CCDC146: variants seen among roughly 807,000 people sequenced by gnomAD.
CCDC146 encodes the protein coiled-coil domain-containing protein 146.
A neutral mutation model predicts 119.3 loss-of-function variants in CCDC146; 92 were observed. That is an observed-to-expected ratio of 0.77 (90% CI 0.65 to 0.92). The LOEUF is 0.92. CCDC146 is among the 40% of genes least tolerant of loss of function. The pLI is 0.00. For missense variants in CCDC146, 1,000 were observed against 1,103.0 expected, an observed-to-expected ratio of 0.91 and a Z score of 1.32; for synonymous variants, 372 against 371.8, an observed-to-expected ratio of 1.00 and a Z score of -0.01.
chr7:77,155,145 A>G (rs549636764), intron 1 of CCDC146, among the ~76,000 whole-genome samples: 18 of 152,360 alleles, frequency 1.2e-4, no homozygotes, highest in African/African-American at 4.3e-4. Context: ...TGAATTTCTG[A>G]AGCCTGCCTA....
chr7:77,147,900 A>G (rs888350016), intron 1 of CCDC146, among the ~76,000 whole-genome samples: 2 of 152,200 alleles, frequency 1.3e-5, no homozygotes, highest in Non-Finnish European at 2.9e-5. Flanking sequence ...TCAGATCTCA[A>G]ACTCCATGCT....
At chr7:77,159,751 T>C (rs1020134847) in intron 1 of CCDC146, among the ~76,000 whole-genome samples, 31 of 152,232 alleles carry the variant, frequency 2.0e-4, no homozygotes, top group African/African-American at 7.0e-4. Context: ...CCACTAACAG[T>C]GTACAAGGGT....
In CCDC146 at chr7:77,196,856, C is replaced by A. The variant is rs773321059; in HGVS notation, c.156+29032C>A. 6.2e-6 allele frequency: 10 copies of A among 1,614,006 alleles called. No individual in the cohort carries two copies. The highest frequency in any genetic ancestry group is 8.5e-6 in the Non-Finnish European group (10 of 1,179,982). ...TGCCTGCAGCACTGTCCAGCCTCCC[C>A]CCATGGTCTCCATGTCACAGTAAAC... On this transcript the variant is annotated intron_variant, in intron 2 of 18. Transcript: ENST00000285871. The surrounding 1 kb of genome is among the most constrained non-coding windows in gnomAD (Gnocchi z 4.2).
intron 2 of CCDC146, among the ~76,000 whole-genome samples, chr7:77,210,209 C>T (rs1199837896): frequency 6.6e-6 from 1 of 152,196 alleles, no homozygotes; most frequent in African/African-American, 2.4e-5. Flanking sequence ...TCTTTGTGTA[C>T]ACATATGAGT....
At chr7:77,212,097 T>G (rs1792195498) in intron 2 of CCDC146, among the ~76,000 whole-genome samples, 1 of 152,110 alleles carries the variant, frequency 6.6e-6, no homozygotes, top group African/African-American at 2.4e-5. Flanking sequence ...CAGAAAATGA[T>G]GCATACATAT....
chr7:77,173,342 C>T (rs1384459054), intron 2 of CCDC146, among the ~76,000 whole-genome samples: 4 of 152,098 alleles, frequency 2.6e-5, no homozygotes, highest in African/African-American at 9.7e-5. Context: ...CAAAGTGATG[C>T]TTGGGGCTGG....
chr7:77,133,841 A>ACACACACACACACT (rs1554345454), intron 1 of CCDC146, among the ~76,000 whole-genome samples: 5,206 of 150,430 alleles, frequency 0.035, 303 homozygotes, highest in African/African-American at 0.12. Context: ...ACACACACAC[A>ACACACACACACACT]CACACACACA....
Position 77,254,489 on chromosome 7 carries a change from ATTT to A in CCDC146, c.450-7_450-5del. ...ATTTCTTTGTACTTTTTCAAACTTG[ATTT>A]TTTTTTTTTGCAGCTTAAAGGAAGA... On this transcript the variant is annotated splice_polypyrimidine_tract_variant and intron_variant, in intron 4 of 18. Transcript: ENST00000285871. 8.3e-6 allele frequency: 9 copies of A among 1,081,234 alleles called. No homozygotes were observed. The highest frequency in any genetic ancestry group is 1.2e-5 in the Non-Finnish European group (9 of 767,194). 67.0% of individuals were successfully genotyped at this position (1,081,234 alleles called of 1,614,324 possible). A position where few individuals can be genotyped will look rare whatever the true frequency, so the allele number is the denominator to read the frequency against.
At chr7:77,156,723 G>A (rs1245715760) in intron 1 of CCDC146, among the ~76,000 whole-genome samples, 1 of 152,068 alleles carries the variant, frequency 6.6e-6, no homozygotes, top group Non-Finnish European at 1.5e-5. Flanking sequence ...GTGGCTTTTA[G>A]GACTATTAAG....
At chr7:77,191,621 A>T (rs561122788) in intron 2 of CCDC146, among the ~76,000 whole-genome samples, 5 of 152,254 alleles carry the variant, frequency 3.3e-5, no homozygotes, top group African/African-American at 1.2e-4. Flanking sequence ...AGAGATAACT[A>T]TTTAGGGCCT....
At position 77,262,344 on chromosome 7, in the gene CCDC146, G is replaced by A. The variant is rs375158732; in HGVS notation, c.1173+37G>A. The A allele has an allele frequency of 5.4e-5, 79 of 1,461,776 alleles. 2 individuals carry two copies. The South Asian group carries it at 5.6e-4, about 10-fold the overall frequency. 90.6% of individuals were successfully genotyped at this position (1,461,776 alleles called of 1,614,324 possible). On this transcript the variant is annotated intron_variant, in intron 9 of 18. Transcript: ENST00000285871. The stretch of plus-strand genomic sequence containing the variant: ...AAACTACCATCTGATTTTTAAGCTC[G>A]GTGCTAACTTTTGAAGTAAAAATAT...
chr7:77,237,169 G>C (rs111304780), intron 3 of CCDC146, 140 bp downstream of exon 3: 5 of 671,564 alleles, frequency 7.4e-6, no homozygotes, highest in South Asian at 3.4e-5. Context: ...GAAGTGGTAC[G>C]AGAAAGCATC....
rs1554348622 is a variant in CCDC146 at position 77,170,342 on chromosome 7, G to GTGTA, written c.156+2519_156+2520insGTAT. 9.2e-5 allele frequency among the ~76,000 whole-genome samples: 14 copies of GTGTA among 151,886 alleles called. No homozygotes were observed. In the East Asian group the frequency reaches 1.2e-3, roughly 13 times the overall value. On this transcript the variant is annotated intron_variant, in intron 2 of 18. Transcript: ENST00000285871. ...ATATGGTTGCATAGTATTCTGTGGTGTATATATATAACACACTTTCTTTAT... is the reference window on the plus strand; with the variant it reads ...ATATGGTTGCATAGTATTCTGTGGTGTGTATATATATATAACACACTTTCTTTAT...
intron 2 of CCDC146, among the ~76,000 whole-genome samples, chr7:77,205,452 A>T (rs1484881459): frequency 2.0e-5 from 3 of 152,216 alleles, no homozygotes; most frequent in Non-Finnish European, 2.9e-5. Flanking sequence ...CGTAAGACAC[A>T]TCACAGCCAT....
intron 2 of CCDC146, among the ~76,000 whole-genome samples, chr7:77,192,176 G>A (rs546449241): frequency 6.6e-6 from 1 of 152,224 alleles, no homozygotes; most frequent in African/African-American, 2.4e-5. Flanking sequence ...GCCTCCCAAA[G>A]TGCTGGGATT....
In CCDC146 at chr7:77,287,451, A is replaced by C. The variant is rs764699812; in HGVS notation, c.2289A>C (p.Gln763His). The C allele has an allele frequency of 6.2e-7, 1 of 1,614,070 alleles. No individual in the cohort carries two copies. Among genetic ancestry groups the C allele is most frequent in the South Asian group, 1.1e-5 (1 of 91,076 alleles). The change falls in exon 17 of 19, where the codon CAA becomes CAC. Residue 763 changes from glutamine to histidine, a missense_variant. Around this residue, in one of 2 missense-constraint regions of CCDC146, gnomAD observed 985 missense variants for 1,045.3 expected, o/e 0.94. Coordinates refer to ENST00000285871, the MANE Select transcript of CCDC146 (RefSeq NM_020879.3). Reference sequence around the variant, plus strand: ...ATTTTCAAACATAGCTGGAACTACAACTGGCCAAGAAGGAGGAGAAGCTGC... The same window carrying C: ...ATTTTCAAACATAGCTGGAACTACACCTGGCCAAGAAGGAGGAGAAGCTGC... The part of the protein sequence containing the change: ...MIQKLDKLEL[Q>H]LAKKEEKLLE...
Position 77,260,107 on chromosome 7 carries a change from A to G in CCDC146, c.857A>G (p.Glu286Gly), listed in dbSNP as rs773040961. 3 of 1,614,108 alleles carry G rather than the reference A, an allele frequency of 1.9e-6. No individual in the cohort carries two copies. In the African/African-American group the frequency reaches 4.0e-5, roughly 22 times the overall value. ...VENKVSAIVD[E>G]KENVIKEVEG... ...AACAAGGTTAGTGCTATAGTGGATG[A>G]GAAGGAAAATGTAATAAAGGAAGTT... Residue 286 changes from glutamate to glycine, a missense_variant, in exon 8 of 19, where the codon GAG becomes GGG. Coordinates refer to ENST00000285871, the MANE Select transcript of CCDC146 (RefSeq NM_020879.3).
intron 2 of CCDC146, among the ~76,000 whole-genome samples, chr7:77,224,605 A>G (rs1792469697): frequency 1.3e-5 from 2 of 152,180 alleles, no homozygotes; most frequent in Non-Finnish European, 2.9e-5. Flanking sequence ...AGATTATTCT[A>G]CCTACCACAG....
chr7:77,170,246 G>A (rs1168629102), intron 2 of CCDC146, among the ~76,000 whole-genome samples: 1 of 152,006 alleles, frequency 6.6e-6, no homozygotes, highest in Non-Finnish European at 1.5e-5. Flanking sequence ...TTCTTTTCCT[G>A]CATTAATTCA....
Sources: gnomAD v4.1 joint callset for allele counts (sites outside exome capture counted in the v4.1 genomes callset) on GRCh38, gnomAD v4.1.1 for gene constraint, gnomAD v4.1.1 regional missense constraint, Gnocchi (gnomAD v3.1) non-coding constraint, MANE v1.5 for transcripts, NCBI Gene and HGNC (gene_info 2026-07-23, HGNC 2026-07-21) for gene names.